UBE3D: variants seen among roughly 807,000 people sequenced by gnomAD.
UBE3D encodes the protein E3 ubiquitin-protein ligase E3D.
In UBE3D, 48 loss-of-function variants were observed where a neutral mutation model predicts 49.6. The observed-to-expected ratio is 0.97, with a 90% confidence interval of 0.77 to 1.23. The LOEUF (loss-of-function observed/expected upper bound fraction) is 1.23. Among genes scored for constraint, UBE3D ranks in the 50% most tolerant of loss-of-function variants. The pLI is 0.00. For missense variants in UBE3D, 452 were observed against 468.4 expected, an observed-to-expected ratio of 0.96 and a Z score of 0.32; for synonymous variants, 189 against 174.2, an observed-to-expected ratio of 1.08 and a Z score of -0.67.
chr6:83,055,380 TTACGCCTTGGCAATTAA>T (rs1783751158), intron 2 of UBE3D, among the ~76,000 whole-genome samples: 1 of 152,234 alleles, frequency 6.6e-6, no homozygotes, highest in Admixed American at 6.5e-5. Context: ...GCTAGAAGGT[TTACGCCTTGGCAATTAA>T]AAATCTTAAC....
chr6:82,938,232 C>G (rs1210631668), intron 9 of UBE3D: 1 of 152,144 alleles, frequency 6.6e-6, no homozygotes, highest in Non-Finnish European at 1.5e-5. Flanking sequence ...CCCTTCATCC[C>G]ATAGATAACG....
chr6:83,065,776 C>T lies in UBE3D; in HGVS notation c.-58G>A. 6.5e-7 allele frequency: 1 copy of T among 1,531,170 alleles called. No individual in the cohort carries two copies. The highest frequency in any genetic ancestry group is 1.2e-5 in the South Asian group (1 of 84,764). 94.8% of individuals were successfully genotyped at this position (1,531,170 alleles called of 1,614,324 possible). On this transcript the variant is annotated 5_prime_UTR_variant, in exon 1 of 10. Transcript: ENST00000369747. ...GGAGGTTCCGAGGGGCCCGGGTCAACAGGACCAGGAGAGGTTCCACGTGCG... is the reference window on the plus strand; with the variant it reads ...GGAGGTTCCGAGGGGCCCGGGTCAATAGGACCAGGAGAGGTTCCACGTGCG...
At chr6:82,915,294 G>A (rs1310000684) in intron 9 of UBE3D, among the ~76,000 whole-genome samples, 1 of 152,142 alleles carries the variant, frequency 6.6e-6, no homozygotes, top group Non-Finnish European at 1.5e-5. Context: ...GTAGATTACA[G>A]GAGATCACAG....
chr6:82,999,600 G>A (rs1157987990), intron 8 of UBE3D, among the ~76,000 whole-genome samples: 1 of 152,086 alleles, frequency 6.6e-6, no homozygotes, highest in Non-Finnish European at 1.5e-5. Flanking sequence ...GGCCAGGCTG[G>A]TCTTGAACTC....
chr6:82,906,965 A>G (rs754784741), intron 9 of UBE3D, among the ~76,000 whole-genome samples: 2 of 152,228 alleles, frequency 1.3e-5, no homozygotes, highest in Non-Finnish European at 2.9e-5. Flanking sequence ...TTAAAAGGAA[A>G]TAGCTAAGCT....
intron 9 of UBE3D, among the ~76,000 whole-genome samples, chr6:82,899,227 A>C (rs1771553774): frequency 6.6e-6 from 1 of 152,122 alleles, no homozygotes; most frequent in African/African-American, 2.4e-5. Flanking sequence ...GACCAAACAA[A>C]ACACCAAAAA....
At chr6:82,995,694 G>GT (rs1488900151) in intron 8 of UBE3D, among the ~76,000 whole-genome samples, 3 of 152,170 alleles carry the variant, frequency 2.0e-5, no homozygotes, top group Non-Finnish European at 4.4e-5. Flanking sequence ...ATCAAGTATT[G>GT]TAACAGGTAT....
At chr6:83,056,125 G>A (rs969033491) in intron 2 of UBE3D, among the ~76,000 whole-genome samples, 1 of 152,198 alleles carries the variant, frequency 6.6e-6, no homozygotes, top group Admixed American at 6.5e-5. Flanking sequence ...TTGTCCTATA[G>A]TTTAAACAAT....
At chr6:83,001,254 A>G (rs111278208) in intron 8 of UBE3D, among the ~76,000 whole-genome samples, 1,623 of 152,270 alleles carry the variant, frequency 0.011, 29 homozygotes, top group African/African-American at 0.037. Flanking sequence ...TTGCAGTTTT[A>G]CATTTACTTA....
intron 8 of UBE3D, among the ~76,000 whole-genome samples, chr6:82,983,524 A>C (rs1778255548): frequency 6.7e-6 from 1 of 149,966 alleles, no homozygotes; most frequent in Non-Finnish European, 1.5e-5. Flanking sequence ...AGGCTTTTTC[A>C]GGGAATAGAG....
In UBE3D at chr6:83,019,059, C is replaced by T. The variant is rs778181613; in HGVS notation, c.924G>A (p.Leu308=). ...TAGAATCGGCTTTGAATGTGTTTTCCAACAAGGGGAATTTTTTGATATATT... is the reference window on the plus strand; with the variant it reads ...TAGAATCGGCTTTGAATGTGTTTTCTAACAAGGGGAATTTTTTGATATATT... ...NSKYIKKFPL[L]ENTFKADSSS... is the part of the protein sequence containing the mutation. The change falls in exon 8 of 10, where the codon TTG becomes TTA. Residue 308 remains leucine, a synonymous_variant. Transcript: ENST00000369747. 6.2e-7 allele frequency: 1 copy of T among 1,613,870 alleles called. No individual in the cohort carries two copies. The highest frequency in any genetic ancestry group is 1.1e-5 in the South Asian group (1 of 91,056).
intron 8 of UBE3D, among the ~76,000 whole-genome samples, chr6:83,002,983 T>C (rs889235440): frequency 1.3e-5 from 2 of 152,220 alleles, no homozygotes; most frequent in Non-Finnish European, 2.9e-5. Flanking sequence ...GGGGTGTATT[T>C]ACCATGCTGC....
At chr6:82,954,882 A>C (rs1039121864) in intron 9 of UBE3D, among the ~76,000 whole-genome samples, 1 of 152,174 alleles carries the variant, frequency 6.6e-6, no homozygotes, top group Non-Finnish European at 1.5e-5. Context: ...CCTTATAAGA[A>C]TACATCTTTC....
At chr6:82,947,652 A>C (rs1775503520) in intron 9 of UBE3D, among the ~76,000 whole-genome samples, 1 of 152,014 alleles carries the variant, frequency 6.6e-6, no homozygotes, top group Non-Finnish European at 1.5e-5. Flanking sequence ...AAACACATTG[A>C]AATAACATCA....
chr6:83,041,492 G>T (rs1025037005), intron 4 of UBE3D, among the ~76,000 whole-genome samples: 2 of 152,122 alleles, frequency 1.3e-5, no homozygotes, highest in South Asian at 4.1e-4. Context: ...ATTTTATCAG[G>T]TGTGATAACG....
intron 8 of UBE3D, among the ~76,000 whole-genome samples, chr6:82,966,438 C>A (rs1776928978): frequency 1.4e-5 from 1 of 73,168 alleles, no homozygotes; most frequent in Admixed American, 1.2e-4. Context: ...ATCACGAGGT[C>A]AGGAGATCGA....
intron 8 of UBE3D, among the ~76,000 whole-genome samples, chr6:82,983,155 G>GTTT (rs5877831): frequency 7.4e-6 from 1 of 134,774 alleles, no homozygotes; most frequent in African/African-American, 2.7e-5. Context: ...CTGGCTGAAA[G>GTTT]TTTTTTTTTT....
intron 8 of UBE3D, among the ~76,000 whole-genome samples, chr6:83,013,233 T>C (rs1003010692): frequency 6.6e-5 from 10 of 152,200 alleles, no homozygotes; most frequent in African/African-American, 2.4e-4. Flanking sequence ...ACTTGATGAT[T>C]CATAGTCAAA....
intron 3 of UBE3D, among the ~76,000 whole-genome samples, chr6:83,046,233 C>CT (rs201532901): frequency 0.039 from 5,663 of 146,982 alleles, 166 homozygotes; most frequent in African/African-American, 0.083. Flanking sequence ...GTGAATGCTA[C>CT]TTTTTTTTTT....
Sources: allele counts gnomAD v4.1 joint callset (sites outside exome capture counted in the v4.1 genomes callset), GRCh38; gene constraint gnomAD v4.1.1; transcripts MANE v1.5; gene names NCBI Gene and HGNC (gene_info 2026-07-23, HGNC 2026-07-21).